SLC45A4: variants seen among roughly 807,000 people sequenced by gnomAD.
SLC45A4 encodes the protein polyamine-transporter SLC45A4.
In SLC45A4, 32 loss-of-function variants were observed where a neutral mutation model predicts 63.7. That is an observed-to-expected ratio of 0.50 (90% CI 0.38 to 0.67). SLC45A4 has a LOEUF of 0.67. Among genes scored for constraint, SLC45A4 ranks in the 30% least tolerant of loss-of-function variants. The pLI is 0.00. For synonymous variants in SLC45A4, 535 were observed against 510.0 expected (o/e 1.05, Z -0.66); for missense variants, 1,027 against 1,157.7 (o/e 0.89, Z 1.64).
At chr8:141,216,008 G>C in intron 6 of SLC45A4, 38 bp from the exon 7 acceptor site, 2 of 1,585,298 alleles carry the variant, frequency 1.3e-6, no homozygotes, top group Non-Finnish European at 1.7e-6. Flanking sequence ...CAGTGGGCAG[G>C]CGGCTGGCTC....
In SLC45A4 at chr8:141,221,808, G is replaced by A. The variant is rs747538851; in HGVS notation, c.242-43C>T. The A allele has an allele frequency of 4.4e-6, 7 of 1,589,948 alleles. No individual in the cohort carries two copies. In the East Asian group the frequency reaches 6.7e-5, roughly 15 times the overall value. On this transcript the variant is annotated intron_variant, in intron 2 of 8. Coordinates refer to ENST00000517878, the MANE Select transcript of SLC45A4 (RefSeq NM_001286646.2). ...GCCGTCGCACACGCAGGCACTGGCC[G>A]GGCTCTGCCACAGTTTTCCTGGGAG...
intron 1 of SLC45A4, among the ~76,000 whole-genome samples, chr8:141,267,880 A>T (rs927933333): frequency 2.0e-5 from 3 of 151,854 alleles, no homozygotes; most frequent in African/African-American, 7.3e-5. Flanking sequence ...AAAATGCAGC[A>T]ACCACTTCGA....
chr8:141,266,614 GGAA>G (rs2154614860), intron 1 of SLC45A4, among the ~76,000 whole-genome samples: 1 of 152,292 alleles, frequency 6.6e-6, no homozygotes, highest in Admixed American at 6.5e-5. Context: ...GTGTGTCAAG[GGAA>G]GAAGACGACA....
chr8:141,219,261 C>G (rs988767796), intron 4 of SLC45A4, among the ~76,000 whole-genome samples: 2 of 152,236 alleles, frequency 1.3e-5, no homozygotes, highest in Middle Eastern at 3.2e-3. Flanking sequence ...GCAGACTACC[C>G]CAGGACGGAT....
chr8:141,274,145 C>T (rs931400321), intron 1 of SLC45A4, among the ~76,000 whole-genome samples: 3 of 152,086 alleles, frequency 2.0e-5, no homozygotes, highest in Non-Finnish European at 2.9e-5. Flanking sequence ...AGGAGAATGG[C>T]GTGAACCTGG....
At chr8:141,280,321 T>C (rs1268085155) in intron 1 of SLC45A4, among the ~76,000 whole-genome samples, 1 of 152,292 alleles carries the variant, frequency 6.6e-6, no homozygotes, top group East Asian at 1.9e-4. Flanking sequence ...TGGCAACAGA[T>C]AAGCCACCCA....
At chr8:141,216,984 T>A (rs7813723) in intron 6 of SLC45A4, 106 bp downstream of exon 6, 1 of 1,140,706 alleles carries the variant, frequency 8.8e-7, no homozygotes, top group Admixed American at 1.9e-5. Context: ...CAGAAGTCAG[T>A]GCGACTGATG....
chr8:141,232,461 A>T (rs1039377253), intron 2 of SLC45A4, among the ~76,000 whole-genome samples: 2 of 152,204 alleles, frequency 1.3e-5, no homozygotes, highest in Non-Finnish European at 2.9e-5. Flanking sequence ...TGGAACAATC[A>T]CGCCAAGGCC....
intron 2 of SLC45A4, among the ~76,000 whole-genome samples, chr8:141,232,239 C>T (rs1827392894): frequency 6.6e-6 from 1 of 152,268 alleles, no homozygotes; most frequent in Non-Finnish European, 1.5e-5. Flanking sequence ...CAATCCATCA[C>T]ACGCCAGCCC....
intron 1 of SLC45A4, among the ~76,000 whole-genome samples, chr8:141,279,233 T>C (rs115674522): frequency 0.014 from 2,152 of 152,352 alleles, 47 homozygotes; most frequent in African/African-American, 0.049. Context: ...CCAGGCGGCC[T>C]TTCCTTGCCT....
At chr8:141,280,806 G>A (rs532168242) in intron 1 of SLC45A4, among the ~76,000 whole-genome samples, 3 of 152,336 alleles carry the variant, frequency 2.0e-5, no homozygotes, top group Admixed American at 6.5e-5. Context: ...CCAACAGGTG[G>A]GTGTGCAGAG....
At chr8:141,217,303 GA>G in intron 5 of SLC45A4, 114 bp from the exon 6 acceptor site, 1 of 1,112,054 alleles carries the variant, frequency 9.0e-7, no homozygotes, top group South Asian at 1.5e-5. Flanking sequence ...GCGGTGACAG[GA>G]AAGTCCCATC....
chr8:141,297,942 A>C (rs1332675213), intron 1 of SLC45A4, among the ~76,000 whole-genome samples: 2 of 152,122 alleles, frequency 1.3e-5, no homozygotes, highest in Non-Finnish European at 2.9e-5. Flanking sequence ...TTGCAAAAAA[A>C]AAAACAAAAA....
chr8:141,258,324 G>A (rs1828898688), intron 1 of SLC45A4, among the ~76,000 whole-genome samples: 1 of 152,150 alleles, frequency 6.6e-6, no homozygotes, highest in Non-Finnish European at 1.5e-5. Context: ...TGACTTAAAC[G>A]ACCCGAGGCC....
intron 1 of SLC45A4, among the ~76,000 whole-genome samples, chr8:141,263,769 CAA>C (rs67335309): frequency 3.4e-5 from 3 of 89,124 alleles, no homozygotes; most frequent in East Asian, 3.1e-4. Context: ...GACTCCGTCT[CAA>C]AAAAAAAAAA....
chr8:141,306,024 C>A (rs1252870611), intron 1 of SLC45A4, among the ~76,000 whole-genome samples: 2 of 152,080 alleles, frequency 1.3e-5, no homozygotes, highest in Non-Finnish European at 2.9e-5. Flanking sequence ...CTCCCCCACC[C>A]CCCTCCAATA....
chr8:141,263,277 A>C (rs1402891429), intron 1 of SLC45A4, among the ~76,000 whole-genome samples: 1 of 151,858 alleles, frequency 6.6e-6, no homozygotes, highest in Non-Finnish European at 1.5e-5. Context: ...TGACGAGTTA[A>C]TGGGTGCAGC....
In SLC45A4 at chr8:141,218,113, C is replaced by T. The variant is rs1400932068; in HGVS notation, c.1527G>A (p.Met509Ile). 1 of 1,612,380 alleles carries T rather than the reference C, an allele frequency of 6.2e-7. No individual in the cohort carries two copies. Residue 509 changes from methionine to isoleucine, a missense_variant, in exon 5 of 9, where the codon ATG (methionine) becomes ATA (isoleucine). Transcript: ENST00000517878. ...LSMLKMPREL[M>I]RLCLCHLLTW... ...TGAGGAGGTGGCAGAGGCACAGCCGCATCAGCTCCCTGGGCATCTTCAGCA... is the reference window on the plus strand; with the variant it reads ...TGAGGAGGTGGCAGAGGCACAGCCGTATCAGCTCCCTGGGCATCTTCAGCA...
intron 2 of SLC45A4, among the ~76,000 whole-genome samples, chr8:141,223,522 A>C (rs1041269820): frequency 6.6e-6 from 1 of 152,238 alleles, no homozygotes; most frequent in Non-Finnish European, 1.5e-5. Context: ...TATGTCGGCA[A>C]ACCCGTGCCA....
Sources: gnomAD v4.1 joint callset for allele counts (sites outside exome capture counted in the v4.1 genomes callset) on GRCh38, gnomAD v4.1.1 for gene constraint, MANE v1.5 for transcripts, NCBI Gene and HGNC (gene_info 2026-07-23, HGNC 2026-07-21) for gene names.